Variants in NRXN3 observed in about 807,000 individuals in gnomAD.
The protein encoded by NRXN3 is neurexin 3.
NRXN3 carries 32 observed loss-of-function variants against 137.6 expected under a neutral mutation model. That is an observed-to-expected ratio of 0.23 (90% confidence interval 0.18 to 0.31). The LOEUF is 0.31. NRXN3 is among the 10% of genes least tolerant of loss of function. NRXN3 has a pLI of 1.00. For synonymous variants in NRXN3, 798 were observed against 784.5 expected, an observed-to-expected ratio of 1.02 and a Z score of -0.29; for missense variants, 1,574 against 2,062.5, an observed-to-expected ratio of 0.76 and a Z score of 4.59.
chr14:78,798,542 A>G (rs2098829175), intron 8 of NRXN3, among the ~76,000 whole-genome samples: 1 of 152,014 alleles, frequency 6.6e-6, no homozygotes, highest in African/African-American at 2.4e-5. Flanking sequence ...CTGTCAGTGG[A>G]TTTACCATTC....
rs190815054 is a variant in NRXN3 at position 78,756,752 on chromosome 14, A to G, written c.2044+41613A>G. 7.9e-5 allele frequency among the ~76,000 whole-genome samples: 12 copies of G among 152,330 alleles called. No homozygotes were observed. In the East Asian group the frequency reaches 1.9e-3, roughly 24 times the overall value. On this transcript the variant is annotated intron_variant, in intron 8 of 20. Coordinates refer to ENST00000335750, the MANE Select transcript of NRXN3 (RefSeq NM_001330195.2). ...ATTTGCACAATTAACAGCTATACAT[A>G]GATACTGGTTCTAGGATGAAAATGT...
chr14:79,781,162 A>C (rs1281289854), intron 19 of NRXN3, among the ~76,000 whole-genome samples: 2 of 152,154 alleles, frequency 1.3e-5, no homozygotes, highest in African/African-American at 4.8e-5. Flanking sequence ...TGCTGAAGTT[A>C]TTTTTCCTGG....
At chr14:79,359,254 T>C (rs1319158439) in intron 15 of NRXN3, among the ~76,000 whole-genome samples, 2 of 152,222 alleles carry the variant, frequency 1.3e-5, no homozygotes, top group Admixed American at 6.5e-5. Context: ...CCCATTGTTC[T>C]GCTCTGTGGA....
chr14:78,283,625 C>G (rs1016264672), intron 3 of NRXN3, among the ~76,000 whole-genome samples: 1 of 152,090 alleles, frequency 6.6e-6, no homozygotes, highest in African/African-American at 2.4e-5. Context: ...TCTTCTGCCT[C>G]AGCCTCTCGA....
At position 78,943,617 on chromosome 14, in the gene NRXN3, AAAAAATATAT is replaced by A. The variant is rs1352338382; in HGVS notation, c.2276-13623_2276-13614del. 1.4e-3 allele frequency among the ~76,000 whole-genome samples: 55 copies of A among 40,526 alleles called. 1 individual carries two copies. The highest frequency in any genetic ancestry group is 1.6e-3 in the Non-Finnish European group (39 of 23,658). The allele number at this position is 40,526 out of a possible 152,430, so 26.6% of individuals were successfully genotyped here. On this transcript the variant is annotated intron_variant, in intron 10 of 20. Transcript: ENST00000335750. ...AAGAAGCAAGATCACTGTTAAAAAA[AAAAAATATAT>A]ATATATATATATATATATATATATA...
chr14:78,453,670 G>C (rs78579195), intron 4 of NRXN3, among the ~76,000 whole-genome samples: 6,006 of 152,112 alleles, frequency 0.039, 365 homozygotes, highest in African/African-American at 0.13. Flanking sequence ...ACCTTATTTG[G>C]GTCTTTGTAG....
At chr14:78,808,049 A>G (rs1026279631) in intron 9 of NRXN3, among the ~76,000 whole-genome samples, 1 of 152,094 alleles carries the variant, frequency 6.6e-6, no homozygotes, top group Non-Finnish European at 1.5e-5. Context: ...ACACACACAC[A>G]TATTTATACA....
chr14:78,440,606 T>C lies in NRXN3; in HGVS notation c.757+142746T>C, dbSNP rs369744112. 5.0e-4 allele frequency among the ~76,000 whole-genome samples: 76 copies of C among 152,224 alleles called. No homozygotes were observed. In the East Asian group the frequency reaches 0.01, roughly 21 times the overall value. On this transcript the variant is annotated intron_variant, in intron 4 of 20. Coordinates refer to ENST00000335750, the MANE Select transcript of NRXN3 (RefSeq NM_001330195.2). ...CCCCAGGGAAGGCCAGAGTCAGTGT[T>C]CAGCTGTTTTCCTAGATCCAGGGTT...
intron 15 of NRXN3, among the ~76,000 whole-genome samples, chr14:79,022,746 G>A (rs1175699535): frequency 6.6e-6 from 1 of 152,102 alleles, no homozygotes; most frequent in Non-Finnish European, 1.5e-5. Context: ...CAGCTACTTG[G>A]AGCCAAAATA....
intron 1 of NRXN3, among the ~76,000 whole-genome samples, chr14:78,228,436 G>A (rs1306331705): frequency 2.0e-5 from 3 of 152,106 alleles, no homozygotes; most frequent in African/African-American, 4.8e-5. Context: ...GTTTACAGGC[G>A]TGAGCAACTG....
intron 15 of NRXN3, among the ~76,000 whole-genome samples, chr14:79,020,162 CCCTTCCCTTCCCTTCCCTTCCCTT>C (rs2099586490): frequency 2.3e-4 from 1 of 4,394 alleles, no homozygotes; most frequent in African/African-American, 7.1e-4. Context: ...CCCTTCCCTT[CCCTTCCCTTCCCTTCCCTTCCCTT>C]CCCTTCCCTC....
At chr14:79,265,758 C>T (rs546486170) in intron 15 of NRXN3, among the ~76,000 whole-genome samples, 8 of 152,272 alleles carry the variant, frequency 5.3e-5, no homozygotes, top group East Asian at 1.9e-4. Context: ...TTCACTCCCA[C>T]GCAACACTCC....
At chr14:79,500,996 ATTTCTCATAC>A (rs1054097578) in intron 16 of NRXN3, among the ~76,000 whole-genome samples, 3 of 152,096 alleles carry the variant, frequency 2.0e-5, no homozygotes, top group African/African-American at 7.2e-5. Flanking sequence ...CCAACACAAC[ATTTCTCATAC>A]TTGCCTGATC....
chr14:79,222,466 G>A (rs564030544), intron 15 of NRXN3, among the ~76,000 whole-genome samples: 37 of 152,076 alleles, frequency 2.4e-4, no homozygotes, highest in Non-Finnish European at 4.0e-4. Flanking sequence ...GGGCAATTAT[G>A]AATAAAGCTG....
At chr14:79,780,161 A>G (rs557843316) in intron 19 of NRXN3, among the ~76,000 whole-genome samples, 11 of 147,226 alleles carry the variant, frequency 7.5e-5, no homozygotes, top group South Asian at 6.5e-4. Flanking sequence ...GCCTTTGGGG[A>G]AAAAAAAAAA....
Position 79,168,229 on chromosome 14 carries a change from GA to G in NRXN3, c.3262+180089del, listed in dbSNP as rs1232684219. ...AATCTATTGGCAGGGGATAATACAG[GA>G]TGGAATTAGCACAAAGGCTCTTCTA... On this transcript the variant is annotated intron_variant, in intron 15 of 20. Transcript: ENST00000335750. 6.6e-5 allele frequency among the ~76,000 whole-genome samples: 10 copies of G among 151,934 alleles called. No individual in the cohort carries two copies. The East Asian group carries it at 1.9e-3, about 30-fold the overall frequency.
At chr14:79,763,656 G>T (rs1212497721) in intron 19 of NRXN3, among the ~76,000 whole-genome samples, 2 of 54,632 alleles carry the variant, frequency 3.7e-5, no homozygotes, top group Middle Eastern at 0.012. Flanking sequence ...TCTGGTGAGA[G>T]CTTCTTCCTG....
chr14:79,790,022 T>C (rs2099140296), intron 19 of NRXN3, among the ~76,000 whole-genome samples: 1 of 152,198 alleles, frequency 6.6e-6, no homozygotes, highest in Non-Finnish European at 1.5e-5. Flanking sequence ...GAGGAGTTAA[T>C]CAATTCAGTC....
At chr14:78,826,787 A>C (rs1328054671) in intron 10 of NRXN3, among the ~76,000 whole-genome samples, 1 of 152,074 alleles carries the variant, frequency 6.6e-6, no homozygotes, top group East Asian at 1.9e-4. Context: ...TAAAATTCTT[A>C]ATTTCTCCTG....
Sources: allele counts gnomAD v4.1 joint callset (sites outside exome capture counted in the v4.1 genomes callset), GRCh38; gene constraint gnomAD v4.1.1; transcripts MANE v1.5; gene names NCBI Gene and HGNC (gene_info 2026-07-23, HGNC 2026-07-21).